GRIA3: variants seen among roughly 807,000 people sequenced by gnomAD.
GRIA3 encodes glutamate ionotropic receptor AMPA type subunit 3.
In GRIA3, 3 loss-of-function variants were observed where a neutral mutation model predicts 63.0. The ratio of observed to expected loss-of-function variants is 0.05; its 90% CI spans 0.02 to 0.12. The LOEUF is 0.12. Ranked by LOEUF, GRIA3 falls within the 10% of genes least tolerant of loss-of-function variation. The pLI, the probability that GRIA3 is intolerant of heterozygous loss-of-function variation, is 1.00. For synonymous variants in GRIA3, 274 were observed against 257.9 expected, an observed-to-expected ratio of 1.06 and a Z score of -0.60; for missense variants, 347 against 700.9, an observed-to-expected ratio of 0.50 and a Z score of 5.70.
intron 5 of GRIA3, among the ~76,000 whole-genome samples, chrX:123,357,262 G>A (rs1238511705): frequency 1.8e-5 from 2 of 110,034 alleles, no homozygotes; most frequent in Admixed American, 9.8e-5. Context: ...GAAGCTGGAG[G>A]TTGTCAGCTA....
rs887487637 is a variant in GRIA3 at position 123,428,065 on chromosome X, G to A, written c.2002G>A (p.Ala668Thr). ...VERMVSPIES[A>T]EDLAKQTEIA... ...GAGGATGGTTTCTCCCATAGAGAGT[G>A]CTGAAGACTTAGCTAAACAGACTGA... is the stretch of plus-strand genomic sequence containing the variant. Residue 668 changes from alanine (A) to threonine (T), a missense_variant, in exon 12 of 16, where the codon GCT becomes ACT. Ala to Thr is a moderately conservative substitution (Grantham distance 58). This residue lies in a region of GRIA3 where 49 missense variants were observed against 176.6 expected (regional missense o/e 0.28). Coordinates refer to ENST00000620443, the MANE Select transcript of GRIA3 (RefSeq NM_007325.5). 8.3e-7 allele frequency: 1 copy of A among 1,200,498 alleles called. No homozygotes were observed. Among genetic ancestry groups the A allele is most frequent in the Non-Finnish European group, 1.1e-6 (1 of 887,065 alleles).
At chrX:123,355,122 T>C in intron 5 of GRIA3, among the ~76,000 whole-genome samples, 159 bp downstream of exon 5, 1 of 112,763 alleles carries the variant, frequency 8.9e-6, no homozygotes, top group South Asian at 3.7e-4. Context: ...TAGCCTTGCT[T>C]TCAATTATGC....
intron 3 of GRIA3, among the ~76,000 whole-genome samples, chrX:123,283,128 G>C (rs759148014): frequency 6.3e-4 from 70 of 111,564 alleles, no homozygotes; most frequent in African/African-American, 2.1e-3. Flanking sequence ...TGCCTCATCC[G>C]GGAAGCACAA....
chrX:123,437,469 G>A (rs1420156640), intron 12 of GRIA3, among the ~76,000 whole-genome samples: 2 of 110,576 alleles, frequency 1.8e-5, no homozygotes. Context: ...TAAATGATAA[G>A]AAGAGGCAGC....
At chrX:123,270,752 C>T (rs2044516509) in intron 3 of GRIA3, among the ~76,000 whole-genome samples, 1 of 112,215 alleles carries the variant, frequency 8.9e-6, no homozygotes, top group Non-Finnish European at 1.9e-5. Context: ...AAATGAGATA[C>T]TGTGAAAGTG....
intron 10 of GRIA3, among the ~76,000 whole-genome samples, chrX:123,412,288 T>C (rs1239146832): frequency 2.7e-5 from 3 of 111,736 alleles, no homozygotes; most frequent in African/African-American, 9.8e-5. Flanking sequence ...CATAACATGA[T>C]TGCCCCACAT....
intron 12 of GRIA3, among the ~76,000 whole-genome samples, chrX:123,431,558 T>C (rs1294370075): frequency 1.8e-5 from 2 of 112,056 alleles, no homozygotes; most frequent in Non-Finnish European, 3.8e-5. Context: ...TAGAAGCACA[T>C]ATGCCAAAAA....
At chrX:123,215,218 C>T (rs1355354485) in intron 2 of GRIA3, among the ~76,000 whole-genome samples, 1 of 111,647 alleles carries the variant, frequency 9.0e-6, no homozygotes, top group Non-Finnish European at 1.9e-5. Flanking sequence ...ATTCTGCTGC[C>T]GCCTCAAGGT....
chrX:123,234,265 G>T (rs1170332217), intron 2 of GRIA3, among the ~76,000 whole-genome samples: 2 of 111,129 alleles, frequency 1.8e-5, no homozygotes, highest in Non-Finnish European at 3.8e-5. Context: ...AGAATTTCCA[G>T]CCACTTCCAT....
chrX:123,204,111 G>A (rs1404641597), intron 2 of GRIA3, among the ~76,000 whole-genome samples: 2 of 111,804 alleles, frequency 1.8e-5, no homozygotes, highest in African/African-American at 3.3e-5. Flanking sequence ...GGAGTCTCAG[G>A]GCCCCCATGT....
At position 123,253,162 on chromosome X, in the gene GRIA3, G is replaced by T. The variant is rs182532947; in HGVS notation, c.269-141G>T. 1.4e-3 allele frequency: 863 copies of T among 614,684 alleles called. 8 individuals are homozygous for T. The African/African-American group carries it at 0.017, about 12-fold the overall frequency. The allele number at this position is 614,684 out of a possible 1,213,427, so 50.7% of individuals were successfully genotyped here. Reference sequence around the variant, plus strand: ...CTCTTCCCTTTCTTACTCTTCTCCTGTTGGGTAACTGGGTTTTCAGGGGCT... The same window carrying T: ...CTCTTCCCTTTCTTACTCTTCTCCTTTTGGGTAACTGGGTTTTCAGGGGCT... On this transcript the variant is annotated intron_variant, in intron 2 of 15. Transcript: ENST00000620443.
intron 3 of GRIA3, among the ~76,000 whole-genome samples, chrX:123,286,038 T>C (rs1167730368): frequency 8.9e-6 from 1 of 111,791 alleles, no homozygotes; most frequent in Non-Finnish European, 1.9e-5. Context: ...CCTCAGCAAA[T>C]GCAAAAGAAC....
intron 1 of GRIA3, among the ~76,000 whole-genome samples, chrX:123,185,504 G>A (rs1324557243): frequency 7.0e-5 from 6 of 85,691 alleles, no homozygotes; most frequent in African/African-American, 1.5e-4. Flanking sequence ...TGGGCGGGGG[G>A]CGGAGGGGGG....
At chrX:123,197,833 G>A (rs1028385114) in intron 2 of GRIA3, among the ~76,000 whole-genome samples, 2 of 112,118 alleles carry the variant, frequency 1.8e-5, no homozygotes, top group Admixed American at 9.4e-5. Context: ...TCATTGTGCC[G>A]CAGATTCCCC....
At chrX:123,246,503 A>G (rs2044360162) in intron 2 of GRIA3, among the ~76,000 whole-genome samples, 1 of 111,308 alleles carries the variant, frequency 9.0e-6, no homozygotes, top group South Asian at 3.8e-4. Flanking sequence ...AGTCTTTCCC[A>G]TGTCACATTA....
intron 10 of GRIA3, among the ~76,000 whole-genome samples, chrX:123,415,320 T>C (rs1278634865): frequency 8.9e-6 from 1 of 111,869 alleles, no homozygotes; most frequent in Non-Finnish European, 1.9e-5. Flanking sequence ...GTAAAAGAGA[T>C]AGTAGATAGA....
intron 2 of GRIA3, among the ~76,000 whole-genome samples, chrX:123,210,993 T>G (rs1329203461): frequency 8.9e-6 from 1 of 111,746 alleles, no homozygotes; most frequent in African/African-American, 3.2e-5. Context: ...ACAACAATCT[T>G]TTCAGCCAAG....
intron 4 of GRIA3, among the ~76,000 whole-genome samples, chrX:123,342,479 C>T (rs2045015200): frequency 8.9e-6 from 1 of 112,110 alleles, no homozygotes; most frequent in South Asian, 3.7e-4. Context: ...GACAAGCTGC[C>T]TATGATTTGA....
At chrX:123,300,735 C>T (rs1231590538) in intron 3 of GRIA3, among the ~76,000 whole-genome samples, 4 of 109,151 alleles carry the variant, frequency 3.7e-5, no homozygotes, top group African/African-American at 1.3e-4. Context: ...GCTTCTGGCT[C>T]ATTGGTTTTT....
Sources: allele counts gnomAD v4.1 joint callset (sites outside exome capture counted in the v4.1 genomes callset), GRCh38; gene constraint gnomAD v4.1.1; regional missense constraint gnomAD v4.1.1; transcripts MANE v1.5; gene names NCBI Gene and HGNC (gene_info 2026-07-23, HGNC 2026-07-21).